The following PCM1 variants were observed in gnomAD, a reference collection of about 807,000 sequenced individuals.
PCM1 encodes pericentriolar material 1.
A neutral mutation model predicts 241.9 loss-of-function variants in PCM1; 157 were observed. The ratio of observed to expected loss-of-function variants is 0.65; its 90% confidence interval spans 0.57 to 0.74. The LOEUF (loss-of-function observed/expected upper bound fraction) is 0.74, where lower values mean the gene tolerates loss of function less well. Ranked by LOEUF, PCM1 falls within the 30% of genes least tolerant of loss-of-function variation. The pLI is 0.00. For synonymous variants in PCM1, 1,085 were observed against 784.9 expected, an observed-to-expected ratio of 1.38 and a Z score of -6.39; for missense variants, 3,478 against 2,360.1, an observed-to-expected ratio of 1.47 and a Z score of -9.81.
Position 17,956,744 on chromosome 8 carries a change from A to T in PCM1, c.1613A>T (p.Glu538Val). Residue 538 changes from glutamate (E) to valine (V), a missense_variant, in exon 11 of 39, where the codon GAG (glutamate) becomes GTG (valine). By Grantham distance (121) the Glu-to-Val change is moderately radical. Coordinates refer to ENST00000325083, the MANE Select transcript of PCM1 (RefSeq NM_006197.4). The part of the protein sequence containing the change: ...EETEESEYDS[E>V]HENSEPVTNI... Reference sequence around the variant, plus strand: ...ACTGAAGAGTCAGAATATGATTCTGAGCATGAAAATTCCGAGCCTGTTACT... The same window carrying T: ...ACTGAAGAGTCAGAATATGATTCTGTGCATGAAAATTCCGAGCCTGTTACT... The T allele has an allele frequency of 6.2e-7, 1 of 1,609,210 alleles. No homozygotes were observed. Among genetic ancestry groups the T allele is most frequent in the East Asian group, 2.2e-5 (1 of 44,754 alleles).
chr8:17,952,613 T>C (rs1712294919), intron 8 of PCM1, among the ~76,000 whole-genome samples: 1 of 152,184 alleles, frequency 6.6e-6, no homozygotes, highest in Non-Finnish European at 1.5e-5. Context: ...GTTTATATTG[T>C]ATTAGGTATT....
chr8:17,997,237 C>G (rs1017868390), intron 29 of PCM1, among the ~76,000 whole-genome samples: 3 of 152,000 alleles, frequency 2.0e-5, no homozygotes, highest in African/African-American at 7.3e-5. Flanking sequence ...TGTAAGGATT[C>G]TAGTGACAAG....
At position 18,026,076 on chromosome 8, in the gene PCM1, A is replaced by G. The variant is rs373122724; in HGVS notation, c.6049+418A>G. On this transcript the variant is annotated intron_variant, in intron 38 of 38. Coordinates refer to ENST00000325083, the MANE Select transcript of PCM1 (RefSeq NM_006197.4). Reference sequence around the variant, plus strand: ...CTACTCGGGAGGCTGAGGCAGGAGAATGGCGTGAACCCAGGAGGTGGGGCT... The same window carrying G: ...CTACTCGGGAGGCTGAGGCAGGAGAGTGGCGTGAACCCAGGAGGTGGGGCT... Among the ~76,000 whole-genome samples the G allele has an allele frequency of 4.5e-4, 62 of 138,616 alleles. No individual in the cohort carries two copies. In the East Asian group the frequency reaches 0.015, roughly 33 times the overall value. The allele number at this position is 138,616 out of a possible 152,430, so 90.9% of individuals were successfully genotyped here.
rs1461622050 is a variant in PCM1, at chr8:18,006,546, T to C, written c.4962+149T>C. ...CATTTGGGATGATGTTGTAATACTT[T>C]TTAGTTGTCACTTGGTTAAAATAAT... On this transcript the variant is annotated intron_variant, in intron 30 of 38. Transcript: ENST00000325083. The C allele has an allele frequency of 7.0e-6, 4 of 575,184 alleles. 1 individual carries two copies. The Admixed American group carries it at 1.3e-4, about 18-fold the overall frequency. The allele number at this position is 575,184 out of a possible 1,614,324, so 35.6% of individuals were successfully genotyped here.
chr8:18,012,171 C>T (rs150760129), intron 34 of PCM1, among the ~76,000 whole-genome samples: 6 of 152,178 alleles, frequency 3.9e-5, no homozygotes, highest in African/African-American at 7.2e-5. Flanking sequence ...ATAATTTATA[C>T]GTTTTAAATT....
At chr8:17,978,539 A>C (rs1444545591) in intron 23 of PCM1, among the ~76,000 whole-genome samples, 1 of 151,870 alleles carries the variant, frequency 6.6e-6, no homozygotes, top group Non-Finnish European at 1.5e-5. Flanking sequence ...TCCTTACCAC[A>C]CAAGCAGAAG....
intron 33 of PCM1, 55 bp downstream of exon 33, chr8:18,011,421 A>G: frequency 7.2e-7 from 1 of 1,395,888 alleles, no homozygotes; most frequent in Non-Finnish European, 9.5e-7. Context: ...TAGGTCATTT[A>G]TTGGAACAGT....
intron 29 of PCM1, among the ~76,000 whole-genome samples, chr8:17,995,752 A>C (rs2086469186): frequency 6.6e-6 from 1 of 151,876 alleles, no homozygotes; most frequent in African/African-American, 2.4e-5. Context: ...TCAGTGTTTT[A>C]TAGTTTTCAT....
intron 27 of PCM1, among the ~76,000 whole-genome samples, 190 bp downstream of exon 27, chr8:17,990,169 A>G (rs992787845): frequency 2.6e-5 from 4 of 152,008 alleles, no homozygotes; most frequent in Admixed American, 1.3e-4. Flanking sequence ...ATCATCCAAC[A>G]TTTTTGACTC....
intron 29 of PCM1, among the ~76,000 whole-genome samples, chr8:18,005,566 G>C (rs1003045888): frequency 1.3e-5 from 2 of 151,996 alleles, no homozygotes; most frequent in African/African-American, 4.8e-5. Flanking sequence ...ACTTGATATC[G>C]ATGATTTATG....
At chr8:17,944,896 T>C (rs1347444477) in intron 6 of PCM1, among the ~76,000 whole-genome samples, 2 of 152,168 alleles carry the variant, frequency 1.3e-5, no homozygotes, top group Admixed American at 1.3e-4. Context: ...GTTTAATAGC[T>C]TAGAATTCTT....
At chr8:17,939,617 A>G (rs891858090) in intron 5 of PCM1, 74 bp from the exon 6 acceptor site, 6 of 741,056 alleles carry the variant, frequency 8.1e-6, no homozygotes, top group South Asian at 3.3e-5. Flanking sequence ...AACTGTTGCT[A>G]TTGAACTAAT....
At chr8:18,015,205 T>A (rs944159260) in intron 36 of PCM1, among the ~76,000 whole-genome samples, 3 of 149,216 alleles carry the variant, frequency 2.0e-5, no homozygotes, top group Non-Finnish European at 3.0e-5. Flanking sequence ...ACACTTGGGA[T>A]AGGAAATAAA....
intron 26 of PCM1, among the ~76,000 whole-genome samples, chr8:17,989,658 T>C (rs983457399): frequency 2.0e-4 from 30 of 152,198 alleles, no homozygotes; most frequent in Non-Finnish European, 1.8e-4. Context: ...AGGCTACTTA[T>C]ATCACTGTTC....
At chr8:17,937,978 TAACTG>T (rs937058757) in intron 4 of PCM1, among the ~76,000 whole-genome samples, 2 of 152,178 alleles carry the variant, frequency 1.3e-5, no homozygotes, top group African/African-American at 4.8e-5. Flanking sequence ...ATTGAACACT[TAACTG>T]TATATCAGGC....
chr8:17,978,610 C>T (rs114324185), intron 23 of PCM1, among the ~76,000 whole-genome samples: 1,633 of 152,078 alleles, frequency 0.011, 36 homozygotes, highest in African/African-American at 0.038. Flanking sequence ...GAACCTTGTA[C>T]TCAGCCAAAG....
intron 22 of PCM1, 104 bp from the exon 23 acceptor site, chr8:17,972,225 A>G (rs1029919608): frequency 2.0e-5 from 11 of 548,188 alleles, no homozygotes; most frequent in South Asian, 1.0e-4. Context: ...CCTGTTGACA[A>G]TTTTATTCAC....
chr8:18,029,348 T>C lies in PCM1; in HGVS notation c.*1686T>C, dbSNP rs768375090. On this transcript the variant is annotated 3_prime_UTR_variant, in exon 39 of 39. Transcript: ENST00000325083. ...TTACCAATTCAGAATTCGGAGTTCTTATCCAGGTGCTCTAACTAACTTCAG... is the reference window on the plus strand; with the variant it reads ...TTACCAATTCAGAATTCGGAGTTCTCATCCAGGTGCTCTAACTAACTTCAG... The C allele has an allele frequency of 4.7e-6, 1 of 211,210 alleles. No individual in the cohort carries two copies. The highest frequency in any genetic ancestry group is 9.6e-6 in the Non-Finnish European group (1 of 104,168). The allele number at this position is 211,210 out of a possible 1,614,324, so 13.1% of individuals were successfully genotyped here.
chr8:18,017,767 C>T (rs906454827), intron 36 of PCM1, among the ~76,000 whole-genome samples: 4 of 152,126 alleles, frequency 2.6e-5, no homozygotes, highest in Admixed American at 2.6e-4. Context: ...GCAGGAGAAT[C>T]GTTTGAACCC....
Sources: gnomAD v4.1 joint callset for allele counts (sites outside exome capture counted in the v4.1 genomes callset) on GRCh38, gnomAD v4.1.1 for gene constraint, MANE v1.5 for transcripts, NCBI Gene and HGNC (gene_info 2026-07-23, HGNC 2026-07-21) for gene names.